Variants in NLRP10 observed in about 807,000 individuals in gnomAD.
NLRP10 encodes NLR family pyrin domain containing 10.
In NLRP10, 7 loss-of-function variants were observed where a neutral mutation model predicts 8.2. The observed-to-expected ratio is 0.85, with a 90% confidence interval of 0.48 to 1.60. The LOEUF (loss-of-function observed/expected upper bound fraction) is 1.60, where lower values mean the gene tolerates loss of function less well. Ranked by LOEUF, NLRP10 falls within the 40% of genes most tolerant of loss-of-function variation. NLRP10 has a pLI of 0.00. For missense variants in NLRP10, 814 were observed against 776.3 expected, an observed-to-expected ratio of 1.05 and a Z score of -0.58; for synonymous variants, 338 against 314.0, an observed-to-expected ratio of 1.08 and a Z score of -0.81.
chr11:7,961,343 G>A (rs1399645727), intron 2 of NLRP10, 21 bp from the exon 3 acceptor site: 5 of 1,479,558 alleles, frequency 3.4e-6, no homozygotes, highest in Admixed American at 2.2e-5. Flanking sequence ...CAAATGGGAT[G>A]TTAGGTAGTG....
Position 7,959,584 on chromosome 11 carries a change from T to G in NLRP10, c.*60A>C. The stretch of plus-strand genomic sequence containing the variant: ...TCCCATTCATTTACAGCTTCTTTGA[T>G]TTCTTTCCTCAGAGTGTTGTCATTT... On this transcript the variant is annotated 3_prime_UTR_variant, in exon 3 of 3. Coordinates refer to ENST00000691676, the MANE Select transcript of NLRP10 (RefSeq NM_001391958.1). 2 of 573,456 alleles carry G rather than the reference T, an allele frequency of 3.5e-6. No homozygotes were observed. The highest frequency in any genetic ancestry group is 3.3e-4 in the Middle Eastern group (1 of 3,026). 35.5% of individuals were successfully genotyped at this position (573,456 alleles called of 1,614,324 possible).
At position 7,963,188 on chromosome 11, in the gene NLRP10, TC is replaced by T; in HGVS notation, c.289+18del. ...TCCCAGTGCCATCCTGCCCTCCCCT[TC>T]CCCCGCTCCACACTCACCATGCAGA... is the stretch of plus-strand genomic sequence containing the variant. On this transcript the variant is annotated intron_variant, in intron 2 of 2. Transcript: ENST00000691676. The T allele has an allele frequency of 6.2e-7, 1 of 1,607,892 alleles. No homozygotes were observed. Among genetic ancestry groups the T allele is most frequent in the Non-Finnish European group, 8.5e-7 (1 of 1,176,082 alleles).
At position 7,962,231 on chromosome 11, in the gene NLRP10, C is replaced by CTTTTTT. The variant is rs71452435; in HGVS notation, c.290-915_290-910dup. On this transcript the variant is annotated intron_variant, in intron 2 of 2. Coordinates refer to ENST00000691676, the MANE Select transcript of NLRP10 (RefSeq NM_001391958.1). ...CCAAAGGGACTAAGATAAGCCTGTT[C>CTTTTTT]TTTTTTTTTTTTTTTTTTTTTTGAG... Among the ~76,000 whole-genome samples, 59 of 66,988 alleles carry CTTTTTT rather than the reference C, an allele frequency of 8.8e-4. 11 individuals are homozygous for CTTTTTT. Among genetic ancestry groups the CTTTTTT allele is most frequent in the African/African-American group, 2.1e-3 (38 of 17,822 alleles). 43.9% of individuals were successfully genotyped at this position (66,988 alleles called of 152,430 possible).
Position 7,960,484 on chromosome 11 carries a change from C to T in NLRP10, c.1128G>A (p.Glu376=), listed in dbSNP as rs74451065. The T allele has an allele frequency of 8.3e-5, 134 of 1,614,160 alleles. No homozygotes were observed. The African/African-American group carries it at 1.1e-3, about 13-fold the overall frequency. The change falls in exon 3 of 3, where the codon GAG becomes GAA. Residue 376 remains glutamate, a synonymous_variant. Coordinates refer to ENST00000691676, the MANE Select transcript of NLRP10 (RefSeq NM_001391958.1). ...GQMERGKVVL[E]TPRNSTDIFM... is the part of the protein sequence containing the mutation. ...AGATGTCAGTGCTGTTTCTAGGTGT[C>T]TCTAAGACAACTTTGCCTCTCTCCA...
At chr11:7,961,418 T>C (rs1941728351) in intron 2 of NLRP10, 96 bp from the exon 3 acceptor site, 2 of 780,302 alleles carry the variant, frequency 2.6e-6, no homozygotes, top group South Asian at 1.7e-5. Flanking sequence ...TCTTCTTGTA[T>C]GTCTCCAACT....
chr11:7,960,977 A>C lies in NLRP10; in HGVS notation c.635T>G (p.Val212Gly). 6.2e-7 allele frequency: 1 copy of C among 1,614,134 alleles called. No homozygotes were observed. Among genetic ancestry groups the C allele is most frequent in the Non-Finnish European group, 8.5e-7 (1 of 1,180,018 alleles). Residue 212 changes from valine (V) to glycine (G), a missense_variant, in exon 3 of 3, where the codon GTC becomes GGC. Transcript: ENST00000691676. The part of the protein sequence containing the change: ...YVFYVSCKEV[V>G]LLLESKLEQL... ...CTCCAGTTTGCTCTCCAGCAGCAGG[A>C]CCACTTCTTTGCAGCTTACATAAAA...
chr11:7,962,253 T>TTTTTA (rs1941745038), intron 2 of NLRP10, among the ~76,000 whole-genome samples: 1 of 135,616 alleles, frequency 7.4e-6, no homozygotes, highest in African/African-American at 3.0e-5. Flanking sequence ...TTTTTTTTTT[T>TTTTTA]GAGATGGAGT....
Position 7,960,483 on chromosome 11 carries a change from T to C in NLRP10, c.1129A>G (p.Thr377Ala), listed in dbSNP as rs754812454. Residue 377 changes from threonine (T) to alanine (A), a missense_variant, in exon 3 of 3, where the codon ACA (threonine) becomes GCA (alanine). Physicochemically the swap from Thr to Ala is moderately conservative, Grantham distance 58. Transcript: ENST00000691676. The stretch of plus-strand genomic sequence containing the variant: ...AAGATGTCAGTGCTGTTTCTAGGTG[T>C]CTCTAAGACAACTTTGCCTCTCTCC... The part of the protein sequence containing the change: ...QMERGKVVLE[T>A]PRNSTDIFMA... 3.7e-5 allele frequency: 60 copies of C among 1,613,928 alleles called. No homozygotes were observed. Among genetic ancestry groups the C allele is most frequent in the Non-Finnish European group, 4.8e-5 (57 of 1,180,012 alleles).
chr11:7,960,403 C>A lies in NLRP10; in HGVS notation c.1209G>T (p.Glu403Asp). 6.2e-7 allele frequency: 1 copy of A among 1,614,072 alleles called. No individual in the cohort carries two copies. Among genetic ancestry groups the A allele is most frequent in the Non-Finnish European group, 8.5e-7 (1 of 1,180,040 alleles). Reference protein sequence around the residue: ...LPPDDDGGCSELSRHRVLRSL... With the variant: ...LPPDDDGGCSDLSRHRVLRSL... The stretch of plus-strand genomic sequence containing the variant: ...TCCTCAGGACCCTGTGCCGGGAAAG[C>A]TCGGAGCAGCCCCCATCATCATCGG... Residue 403 changes from glutamate to aspartate, a missense_variant, in exon 3 of 3, where the codon GAG becomes GAT. Coordinates refer to ENST00000691676, the MANE Select transcript of NLRP10 (RefSeq NM_001391958.1).
chr11:7,960,949 C>A lies in NLRP10; in HGVS notation c.663G>T (p.Gln221His), dbSNP rs1346125715. ...TGTCCCCGCAGCACCAGAAAAGGAG[C>A]TGCTCCAGTTTGCTCTCCAGCAGCA... ...VVLLLESKLE[Q>H]LLFWCCGDNQ... The change falls in exon 3 of 3, where the codon CAG (glutamine) becomes CAT (histidine). Residue 221 changes from glutamine (Q) to histidine (H), a missense_variant. Coordinates refer to ENST00000691676, the MANE Select transcript of NLRP10 (RefSeq NM_001391958.1). 6.2e-7 allele frequency: 1 copy of A among 1,614,204 alleles called. No individual in the cohort carries two copies. The highest frequency in any genetic ancestry group is 8.5e-7 in the Non-Finnish European group (1 of 1,180,036).
At position 7,961,131 on chromosome 11, in the gene NLRP10, T is replaced by TA. The variant is rs1564878352; in HGVS notation, c.480_481insT (p.Lys161Ter). 2 of 1,614,026 alleles carry TA rather than the reference T, an allele frequency of 1.2e-6. No individual in the cohort carries two copies. The highest frequency in any genetic ancestry group is 8.5e-7 in the Non-Finnish European group (1 of 1,179,998). On this transcript the variant is annotated frameshift_variant, in exon 3 of 3. Coordinates refer to ENST00000691676, the MANE Select transcript of NLRP10 (RefSeq NM_001391958.1). LOFTEE classifies it low-confidence loss of function (END_TRUNC). ...ACTAAGGATGGGGCCAGTGAGGGCT[T>TA]TTCCCCTGAATCAAATAGAGCCTCC... is the stretch of plus-strand genomic sequence containing the variant.
At position 7,960,580 on chromosome 11, in the gene NLRP10, A is replaced by G. The variant is rs1348658702; in HGVS notation, c.1032T>C (p.Asn344=). The change falls in exon 3 of 3, where the codon AAT becomes AAC. Residue 344 remains asparagine (N), a synonymous_variant. Transcript: ENST00000691676. The part of the protein sequence containing the change: ...ADRAFDIVQK[N]DILYKACQVP... ...CCTGACACGCTTTGTAGAGAATGTC[A>G]TTTTTCTGTACAATGTCGAAGGCAC... 6.2e-7 allele frequency: 1 copy of G among 1,614,094 alleles called. No individual in the cohort carries two copies.
chr11:7,963,463 C>T lies in NLRP10; in HGVS notation c.33G>A (p.Glu11=), dbSNP rs780593804. The change falls in exon 2 of 3, where the codon GAG becomes GAA. Residue 11 remains glutamate (E), a synonymous_variant. Transcript: ENST00000691676. MAMAKARKPR[E]ALLWALSDLE... ...GGTCACTCAAGGCCCAGAGCAATGC[C>T]TCCCGGGGCTTTCTGGCCTTGGCCA... is the stretch of plus-strand genomic sequence containing the variant. The T allele has an allele frequency of 9.3e-6, 15 of 1,613,414 alleles. No individual in the cohort carries two copies. Among genetic ancestry groups the T allele is most frequent in the South Asian group, 5.5e-5 (5 of 91,062 alleles).
rs1941724292 is a variant in NLRP10, at chr11:7,961,257, CAT to C, written c.353_354del (p.Asn118ArgfsTer39). The C allele has an allele frequency of 1.9e-6, 3 of 1,611,336 alleles. No individual in the cohort carries two copies. In the East Asian group the frequency reaches 6.7e-5, roughly 36 times the overall value. On this transcript the variant is annotated frameshift_variant, in exon 3 of 3. Transcript: ENST00000691676. LOFTEE classifies it low-confidence loss of function (END_TRUNC). ...ACCAGGAGCACCTGGTTGTATCTGC[CAT>C]TGACTCCTGCTTCCTGCCATTCCTC... Reference protein sequence around the residue: ...CLEEWQEAGVNGRYNQVLLVA... With the variant: ...CLEEWQEAGVXGRYNQVLLVA...
At chr11:7,963,835 CCCTT>C (rs2133646590) in intron 1 of NLRP10, among the ~76,000 whole-genome samples, 1 of 151,806 alleles carries the variant, frequency 6.6e-6, no homozygotes, top group African/African-American at 2.4e-5. Flanking sequence ...TCCCCCCACT[CCCTT>C]CCTCTTTCCC....
chr11:7,958,451 G>C lies in NLRP10; in HGVS notation c.*1193C>G, dbSNP rs1385679690. 1.3e-5 allele frequency among the ~76,000 whole-genome samples: 2 copies of C among 152,084 alleles called. No individual in the cohort carries two copies. Among genetic ancestry groups the C allele is most frequent in the Non-Finnish European group, 2.9e-5 (2 of 68,016 alleles). On this transcript the variant is annotated 3_prime_UTR_variant, in exon 3 of 3. Transcript: ENST00000691676. Reference sequence around the variant, plus strand: ...GTCATGGTATCTTATTGTGGTTTTAGTTTGCAATTCCCTAATGACATATGA... The same window carrying C: ...GTCATGGTATCTTATTGTGGTTTTACTTTGCAATTCCCTAATGACATATGA...
rs537789076 is a variant in NLRP10, at chr11:7,960,081, T to C, written c.1531A>G (p.Thr511Ala). The C allele has an allele frequency of 1.2e-5, 19 of 1,614,062 alleles. No homozygotes were observed. The African/African-American group carries it at 2.1e-4, about 18-fold the overall frequency. ...VKEQEGNDEM[T>A]LTMQFLLDIS... ...TCCAGTAAAAACTGCATAGTGAGGG[T>C]CATCTCATCATTCCCTTCCTGCTCC... is the stretch of plus-strand genomic sequence containing the variant. Residue 511 changes from threonine to alanine, a missense_variant, in exon 3 of 3, where the codon ACC (threonine) becomes GCC (alanine). By Grantham distance (58) the Thr-to-Ala change is moderately conservative (BLOSUM62 0). Transcript: ENST00000691676.
Position 7,960,678 on chromosome 11 carries a change from T to C in NLRP10, c.934A>G (p.Ile312Val). 1 of 1,614,160 alleles carries C rather than the reference T, an allele frequency of 6.2e-7. No homozygotes were observed. Among genetic ancestry groups the C allele is most frequent in the Admixed American group, 1.7e-5 (1 of 60,016 alleles). Residue 312 changes from isoleucine to valine, a missense_variant, in exon 3 of 3, where the codon ATC becomes GTC. Transcript: ENST00000691676. ...PLLKQARHVH[I>V]LGFSEEERAR... ...CTCTCCTCCTCAGAGAAGCCTAGGA[T>C]ATGGACATGACGTGCTTGTTTCAGC...
At position 7,959,950 on chromosome 11, in the gene NLRP10, A is replaced by T. The variant is rs1481275043; in HGVS notation, c.1662T>A (p.Ser554=). Residue 554 remains serine, a synonymous_variant, in exon 3 of 3, where the codon TCT becomes TCA. Coordinates refer to ENST00000691676, the MANE Select transcript of NLRP10 (RefSeq NM_001391958.1). The part of the protein sequence containing the change: ...DLKHFKEQME[S]MKHNRTWDLE... ...AATCCCAGGTCCTGTTGTGCTTCAT[A>T]GATTCCATCTGTTCTTTAAAATGCT... 1.9e-6 allele frequency: 3 copies of T among 1,614,204 alleles called. No homozygotes were observed. Among genetic ancestry groups the T allele is most frequent in the Non-Finnish European group, 2.5e-6 (3 of 1,180,020 alleles).
Sources: gnomAD v4.1 joint callset for allele counts (sites outside exome capture counted in the v4.1 genomes callset) on GRCh38, gnomAD v4.1.1 for gene constraint, MANE v1.5 for transcripts, NCBI Gene and HGNC (gene_info 2026-07-23, HGNC 2026-07-21) for gene names.